Variants in DCAF6 observed in about 807,000 individuals in gnomAD.
DCAF6 encodes the protein DDB1 and CUL4 associated factor 6, also known as DDB1- and CUL4-associated factor 6.
In DCAF6, 54 loss-of-function variants were observed where a neutral mutation model predicts 125.1. That is an observed-to-expected ratio of 0.43 (90% CI 0.35 to 0.54). The LOEUF is 0.54. DCAF6 is among the 20% of genes least tolerant of loss of function. DCAF6 has a pLI of 0.01. For synonymous variants in DCAF6, 371 were observed against 390.4 expected, an observed-to-expected ratio of 0.95 and a Z score of 0.58; for missense variants, 934 against 1,161.7, an observed-to-expected ratio of 0.80 and a Z score of 2.85.
the DCAF6 span, among the ~76,000 whole-genome samples, chr1:167,881,417 C>T: frequency 6.6e-6 from 1 of 152,098 alleles, no homozygotes; most frequent in African/African-American, 2.4e-5. Flanking sequence ...TTTCTTCAAC[C>T]CTCTCCAAAA....
At chr1:168,059,558 C>G (rs1691326827) in intron 17 of DCAF6, among the ~76,000 whole-genome samples, 1 of 152,128 alleles carries the variant, frequency 6.6e-6, no homozygotes, top group Admixed American at 6.5e-5. Context: ...TCAGAATATG[C>G]TTATAGTTGT....
intron 19 of DCAF6, 61 bp from the exon 20 acceptor site, chr1:168,066,316 T>C: frequency 9.1e-7 from 1 of 1,101,460 alleles, no homozygotes; most frequent in Non-Finnish European, 1.3e-6. Flanking sequence ...ATGCATAATA[T>C]AAGCATATCC....
intron 8 of DCAF6, among the ~76,000 whole-genome samples, chr1:168,003,538 C>T (rs1682923985): frequency 6.6e-6 from 1 of 151,998 alleles, no homozygotes; most frequent in African/African-American, 2.4e-5. Flanking sequence ...AATTCATGAG[C>T]CTTTCTTGGC....
intron 2 of DCAF6, among the ~76,000 whole-genome samples, chr1:167,952,716 A>T (rs1277818285): frequency 6.6e-6 from 1 of 151,926 alleles, no homozygotes; most frequent in African/African-American, 2.4e-5. Context: ...GCTCAAAATG[A>T]CCCTATCTAG....
At position 168,063,772 on chromosome 1, in the gene DCAF6, C is replaced by A. The variant is rs372506722; in HGVS notation, c.2439+13C>A. 6.3e-7 allele frequency: 1 copy of A among 1,591,064 alleles called. No individual in the cohort carries two copies. Among genetic ancestry groups the A allele is most frequent in the South Asian group, 1.2e-5 (1 of 85,652 alleles). ...CTCCAGGACAATGGTACCAAATGTT[C>A]ATGGCATTTTTTGGTGAAATTGCAG... On this transcript the variant is annotated intron_variant, in intron 18 of 21. Coordinates refer to ENST00000367840, the MANE Select transcript of DCAF6 (RefSeq NM_001198956.2).
chr1:167,949,889 G>C (rs1462370337), intron 1 of DCAF6, among the ~76,000 whole-genome samples: 2 of 152,110 alleles, frequency 1.3e-5, no homozygotes, highest in African/African-American at 4.8e-5. Context: ...TTACTAAAAG[G>C]GTAGTGGATG....
At chr1:168,033,492 T>C (rs1687401925) in intron 12 of DCAF6, among the ~76,000 whole-genome samples, 1 of 151,818 alleles carries the variant, frequency 6.6e-6, no homozygotes, top group Non-Finnish European at 1.5e-5. Flanking sequence ...ATTTTTTGTA[T>C]TTTTTTAGTA....
intron 21 of DCAF6, among the ~76,000 whole-genome samples, chr1:168,069,589 G>A (rs376977688): frequency 7.2e-5 from 11 of 152,258 alleles, no homozygotes; most frequent in East Asian, 1.9e-4. Context: ...AGCGTATAGC[G>A]TTTTTCTAAG....
At chr1:167,884,783 T>C in the DCAF6 span, among the ~76,000 whole-genome samples, 1 of 150,930 alleles carries the variant, frequency 6.6e-6, no homozygotes, top group African/African-American at 2.4e-5. Flanking sequence ...CTGCAACCTC[T>C]GCCTCCTGGG....
At chr1:167,947,111 G>GT (rs1351933803) in intron 1 of DCAF6, among the ~76,000 whole-genome samples, 1 of 151,898 alleles carries the variant, frequency 6.6e-6, no homozygotes, top group Non-Finnish European at 1.5e-5. Context: ...GGTAGGTTGT[G>GT]TTTTTCTGGG....
At chr1:167,875,705 C>T in the DCAF6 span, among the ~76,000 whole-genome samples, 2 of 152,174 alleles carry the variant, frequency 1.3e-5, no homozygotes, top group African/African-American at 4.8e-5. Context: ...AATCCCAGCC[C>T]TTTGGGAGGC....
chr1:167,920,192 G>A, the DCAF6 span: 2 of 733,426 alleles, frequency 2.7e-6, no homozygotes, highest in Admixed American at 2.7e-5. Flanking sequence ...AATGTAGGAT[G>A]AGGGACAAAG....
At chr1:168,041,299 A>G (rs1337979576) in intron 13 of DCAF6, among the ~76,000 whole-genome samples, 2 of 151,956 alleles carry the variant, frequency 1.3e-5, no homozygotes, top group African/African-American at 4.8e-5. Context: ...TATTAGAGCT[A>G]TTTATTTATT....
At chr1:168,057,437 T>C (rs1366073033) in intron 17 of DCAF6, among the ~76,000 whole-genome samples, 1 of 152,218 alleles carries the variant, frequency 6.6e-6, no homozygotes, top group Non-Finnish European at 1.5e-5. Flanking sequence ...CTAGGTTTTA[T>C]TTTCTTAGGT....
the DCAF6 span, chr1:167,878,636 C>G: frequency 1.2e-6 from 2 of 1,613,616 alleles, no homozygotes; most frequent in Non-Finnish European, 1.7e-6. Context: ...TGACCAATGA[C>G]TATAGCAAGA....
chr1:167,988,718 T>A (rs969341247), intron 5 of DCAF6, among the ~76,000 whole-genome samples: 4 of 151,892 alleles, frequency 2.6e-5, no homozygotes, highest in Non-Finnish European at 5.9e-5. Flanking sequence ...TACCAACTGG[T>A]TAACATGCTT....
upstream of DCAF6, chr1:167,936,485 A>C (rs1298398722): frequency 2.4e-5 from 5 of 207,750 alleles, no homozygotes; most frequent in Non-Finnish European, 4.9e-5. Flanking sequence ...ATCTGGTTAG[A>C]GTGGCCCGAA....
chr1:168,058,327 A>C (rs990351653), intron 17 of DCAF6, among the ~76,000 whole-genome samples: 3 of 152,206 alleles, frequency 2.0e-5, no homozygotes, highest in Admixed American at 6.5e-5. Flanking sequence ...TATACCAAGG[A>C]ATGGACCATT....
At chr1:167,973,763 T>TCG (rs1677710311) in intron 3 of DCAF6, among the ~76,000 whole-genome samples, 2 of 151,306 alleles carry the variant, frequency 1.3e-5, no homozygotes, top group African/African-American at 4.9e-5. Context: ...CTCACCTCTC[T>TCG]ATTGTATATC....
Sources: gnomAD v4.1 joint callset for allele counts (sites outside exome capture counted in the v4.1 genomes callset) on GRCh38, gnomAD v4.1.1 for gene constraint, MANE v1.5 for transcripts, NCBI Gene and HGNC (gene_info 2026-07-23, HGNC 2026-07-21) for gene names.